The following RIMS1 variants were observed in gnomAD, a reference collection of about 807,000 sequenced individuals.
RIMS1 encodes regulating synaptic membrane exocytosis protein 1.
In RIMS1, 83 loss-of-function variants were observed where a neutral mutation model predicts 214.1. The observed-to-expected ratio is 0.39, with a 90% CI of 0.32 to 0.47. RIMS1 has a LOEUF of 0.47. Ranked by LOEUF, RIMS1 falls within the 20% of genes least tolerant of loss-of-function variation. The pLI is 0.99. For synonymous variants in RIMS1, 793 were observed against 786.8 expected, an observed-to-expected ratio of 1.01 and a Z score of -0.13; for missense variants, 2,050 against 2,161.8, an observed-to-expected ratio of 0.95 and a Z score of 1.03.
intron 2 of RIMS1, among the ~76,000 whole-genome samples, chr6:71,986,272 A>G (rs1799945185): frequency 1.3e-5 from 2 of 151,404 alleles, no homozygotes; most frequent in African/African-American, 4.9e-5. Context: ...AATGTCTAGC[A>G]CAAAGAATGG....
intron 29 of RIMS1, among the ~76,000 whole-genome samples, chr6:72,389,672 A>T (rs1418237612): frequency 6.6e-6 from 1 of 152,220 alleles, no homozygotes; most frequent in Non-Finnish European, 1.5e-5. Context: ...TGGGTATTAT[A>T]TGATACTATA....
intron 4 of RIMS1, among the ~76,000 whole-genome samples, chr6:72,125,283 C>A (rs2039274605): frequency 6.6e-6 from 1 of 152,190 alleles, no homozygotes; most frequent in Non-Finnish European, 1.5e-5. Context: ...CCATTCCAGA[C>A]CCTGTTTGCC....
chr6:72,110,646 A>C (rs538633075), intron 4 of RIMS1, among the ~76,000 whole-genome samples: 2,648 of 150,610 alleles, frequency 0.018, 61 homozygotes, highest in African/African-American at 0.058. Context: ...TGTCATCTGC[A>C]AACAGGGACA....
chr6:72,097,184 G>A (rs1562303259), intron 3 of RIMS1, 22 bp downstream of exon 3: 3 of 1,603,232 alleles, frequency 1.9e-6, no homozygotes, highest in South Asian at 1.1e-5. Flanking sequence ...ATGAACATAA[G>A]GGGCGTTGTG....
intron 4 of RIMS1, among the ~76,000 whole-genome samples, chr6:72,145,545 G>A (rs187476266): frequency 2.6e-4 from 40 of 152,266 alleles, no homozygotes; most frequent in African/African-American, 9.1e-4. Flanking sequence ...CTGGGAGGCA[G>A]AGGTTGCAGT....
At chr6:72,393,242 A>G (rs990097501) in intron 31 of RIMS1, among the ~76,000 whole-genome samples, 1 of 148,106 alleles carries the variant, frequency 6.8e-6, no homozygotes, top group Non-Finnish European at 1.5e-5. Flanking sequence ...GGAGAAAAAC[A>G]CTAAAAAGTA....
chr6:72,094,146 T>A (rs80091526), intron 2 of RIMS1, among the ~76,000 whole-genome samples: 66,090 of 151,744 alleles, frequency 0.44, 15,429 homozygotes, highest in Non-Finnish European at 0.52. Context: ...CAGACTAATT[T>A]ATACCTATAT....
chr6:72,071,228 A>G (rs537312216), intron 2 of RIMS1, among the ~76,000 whole-genome samples: 13 of 152,068 alleles, frequency 8.5e-5, no homozygotes, highest in African/African-American at 1.9e-4. Flanking sequence ...AGACTCCCCA[A>G]TCTCTACAAA....
chr6:71,901,195 A>T (rs1374529030), intron 1 of RIMS1, among the ~76,000 whole-genome samples: 2 of 151,758 alleles, frequency 1.3e-5, no homozygotes, highest in Non-Finnish European at 1.5e-5. Context: ...ACTTGAGAAA[A>T]CTCTGGCAGT....
intron 24 of RIMS1, among the ~76,000 whole-genome samples, chr6:72,288,083 T>C (rs888863640): frequency 3.3e-5 from 5 of 152,146 alleles, no homozygotes; most frequent in African/African-American, 1.2e-4. Flanking sequence ...ACCACTTTTT[T>C]CTCATGATAC....
rs117625348 is a variant in RIMS1, at chr6:72,400,745, C to A, written c.*31C>A. On this transcript the variant is annotated 3_prime_UTR_variant, in exon 34 of 34. Transcript: ENST00000521978. ...TCATACCAGAGTCATTCCAATAAAA[C>A]TCTACTTTTCAGGATAATAATCTGA... 8 of 1,490,060 alleles carry A rather than the reference C, an allele frequency of 5.4e-6. No homozygotes were observed. Among genetic ancestry groups the A allele is most frequent in the Non-Finnish European group, 7.4e-6 (8 of 1,074,954 alleles). 92.3% of individuals were successfully genotyped at this position (1,490,060 alleles called of 1,614,324 possible).
At chr6:72,271,276 A>ATATAT (rs1223502396) in intron 22 of RIMS1, among the ~76,000 whole-genome samples, 94 of 49,520 alleles carry the variant, frequency 1.9e-3, no homozygotes, top group Non-Finnish European at 2.9e-3. Context: ...AAGGAAAAAA[A>ATATAT]AAAAAAAAAA....
At chr6:72,265,799 C>G (rs1192991432) in intron 21 of RIMS1, among the ~76,000 whole-genome samples, 161 bp from the exon 22 acceptor site, 2 of 152,148 alleles carry the variant, frequency 1.3e-5, no homozygotes, top group Non-Finnish European at 2.9e-5. Context: ...TTTACACTGT[C>G]ATTCTGTCAA....
At chr6:72,196,377 G>GTCTGTTTGTCTATCTATCTA (rs1554269277) in intron 6 of RIMS1, among the ~76,000 whole-genome samples, 2 of 143,984 alleles carry the variant, frequency 1.4e-5, no homozygotes, top group Non-Finnish European at 3.0e-5. Flanking sequence ...CTGTCTGTCT[G>GTCTGTTTGTCTATCTATCTA]TCTATCTATC....
At chr6:71,983,289 A>G (rs1798960045) in intron 2 of RIMS1, among the ~76,000 whole-genome samples, 1 of 152,116 alleles carries the variant, frequency 6.6e-6, no homozygotes, top group African/African-American at 2.4e-5. Flanking sequence ...TAGGTTCTTA[A>G]GTGGGATTGC....
intron 23 of RIMS1, among the ~76,000 whole-genome samples, 150 bp from the exon 24 acceptor site, chr6:72,283,893 CATTT>C (rs1303509808): frequency 6.6e-6 from 1 of 152,048 alleles, no homozygotes; most frequent in Non-Finnish European, 1.5e-5. Context: ...TTCATTCATT[CATTT>C]ATTTGTTTAT....
At position 72,287,838 on chromosome 6, in the gene RIMS1, C is replaced by T. The variant is rs565822933; in HGVS notation, c.3555-2841C>T. Reference sequence around the variant, plus strand: ...TGAACTCCTGACCTTATGATCCACCCGCCTCAGCCTCCCATAGTGGCATGA... The same window carrying T: ...TGAACTCCTGACCTTATGATCCACCTGCCTCAGCCTCCCATAGTGGCATGA... On this transcript the variant is annotated intron_variant, in intron 24 of 33. Coordinates refer to ENST00000521978, the MANE Select transcript of RIMS1 (RefSeq NM_014989.7). Among the ~76,000 whole-genome samples, 7 of 152,238 alleles carry T rather than the reference C, an allele frequency of 4.6e-5. No homozygotes were observed. The South Asian group carries it at 8.3e-4, about 18-fold the overall frequency.
chr6:72,262,008 C>T (rs2078251948), intron 19 of RIMS1: 7 of 984,750 alleles, frequency 7.1e-6, no homozygotes, highest in Non-Finnish European at 8.4e-6. Flanking sequence ...TGAAAGTTTT[C>T]TCACACTCCT....
chr6:72,088,193 A>G (rs11755269), intron 2 of RIMS1, among the ~76,000 whole-genome samples: 18,040 of 150,840 alleles, frequency 0.12, 1,339 homozygotes, highest in South Asian at 0.19. Flanking sequence ...CTTCACTTGC[A>G]TTAATTTTTA....
Sources: allele counts gnomAD v4.1 joint callset (sites outside exome capture counted in the v4.1 genomes callset), GRCh38; gene constraint gnomAD v4.1.1; transcripts MANE v1.5; gene names NCBI Gene and HGNC (gene_info 2026-07-23, HGNC 2026-07-21).